SLC16A14: variants seen among roughly 807,000 people sequenced by gnomAD.
The protein encoded by SLC16A14 is solute carrier family 16 member 14.
Under a neutral mutation model 35.8 loss-of-function variants are expected in SLC16A14, and 14 were observed. The ratio of observed to expected loss-of-function variants is 0.39; its 90% CI spans 0.26 to 0.61. The LOEUF (loss-of-function observed/expected upper bound fraction) is 0.61, where lower values mean the gene tolerates loss of function less well. SLC16A14 is among the 20% of genes least tolerant of loss of function. The pLI is 0.51. For missense variants in SLC16A14, 533 were observed against 655.0 expected (o/e 0.81, Z 2.03); for synonymous variants, 248 against 258.9 (o/e 0.96, Z 0.40).
chr2:230,037,771 G>T (rs991874714), intron 4 of SLC16A14, among the ~76,000 whole-genome samples: 1 of 151,650 alleles, frequency 6.6e-6, no homozygotes, highest in Admixed American at 6.6e-5. Flanking sequence ...CCGTGCCTAC[G>T]GAGGACTGCA....
chr2:230,059,152 C>G lies in SLC16A14; in HGVS notation c.201G>C (p.Gln67His), dbSNP rs1211004886. 3 of 1,614,182 alleles carry G rather than the reference C, an allele frequency of 1.9e-6. No homozygotes were observed. Among genetic ancestry groups the G allele is most frequent in the Non-Finnish European group, 1.7e-6 (2 of 1,180,032 alleles). The part of the protein sequence containing the change: ...LNVEWLEEFH[Q>H]SRGLTAWVSS... ...TGACCCAGGCGGTCAGGCCGCGGCT[C>G]TGGTGGAATTCTTCCAGCCATTCCA... Residue 67 changes from glutamine to histidine, a missense_variant, in exon 2 of 5, where the codon CAG becomes CAC. By Grantham distance (24) the Gln-to-His change is conservative. Transcript: ENST00000295190.
intron 1 of SLC16A14, chr2:230,066,792 A>G (rs1205864725): frequency 3.2e-6 from 1 of 313,878 alleles, no homozygotes; most frequent in Non-Finnish European, 6.2e-6. Flanking sequence ...GTGCCACTGC[A>G]TCTTTAGTAT....
At chr2:230,063,086 G>A (rs2077763655) in intron 1 of SLC16A14, among the ~76,000 whole-genome samples, 1 of 151,928 alleles carries the variant, frequency 6.6e-6, no homozygotes, top group Admixed American at 6.6e-5. Context: ...TCAGGAGCTC[G>A]AGACCAGCCT....
intron 2 of SLC16A14, among the ~76,000 whole-genome samples, chr2:230,058,073 G>T (rs2077720450): frequency 6.6e-6 from 1 of 151,680 alleles, no homozygotes; most frequent in Admixed American, 6.6e-5. Context: ...GATTGTTACT[G>T]GACTTTTATA....
intron 1 of SLC16A14, among the ~76,000 whole-genome samples, chr2:230,063,916 C>G (rs980173044): frequency 1.3e-5 from 2 of 151,976 alleles, no homozygotes; most frequent in African/African-American, 4.8e-5. Context: ...GCCTGGACAA[C>G]AGTGAGACCT....
At chr2:230,050,112 A>C (rs1039433779) in intron 2 of SLC16A14, among the ~76,000 whole-genome samples, 4 of 152,248 alleles carry the variant, frequency 2.6e-5, no homozygotes, top group Non-Finnish European at 5.9e-5. Flanking sequence ...CTGGATTTTC[A>C]GGAAAGGCAG....
chr2:230,063,435 C>T (rs775178363), intron 1 of SLC16A14, among the ~76,000 whole-genome samples: 2 of 152,004 alleles, frequency 1.3e-5, no homozygotes, highest in African/African-American at 2.4e-5. Context: ...CTCACCTCTT[C>T]TGTTGATCCT....
Position 230,046,844 on chromosome 2 carries a change from C to A in SLC16A14, c.404-122G>T, listed in dbSNP as rs1052437746. 1.0e-5 allele frequency: 12 copies of A among 1,173,242 alleles called. No homozygotes were observed. Among genetic ancestry groups the A allele is most frequent in the Admixed American group, 2.9e-5 (1 of 34,650 alleles). The allele number at this position is 1,173,242 out of a possible 1,614,324, so 72.7% of individuals were successfully genotyped here. ...ATCTATTTATGCTTTTTATTTCTAA[C>A]AAAGCAATAACACTGATTATTTAAA... On this transcript the variant is annotated intron_variant, in intron 3 of 4. Coordinates refer to ENST00000295190, the MANE Select transcript of SLC16A14 (RefSeq NM_152527.5). The surrounding 1 kb of genome is among the most constrained non-coding windows in gnomAD (Gnocchi z 5.0).
At chr2:230,051,842 A>G (rs2077662033) in intron 2 of SLC16A14, among the ~76,000 whole-genome samples, 1 of 152,178 alleles carries the variant, frequency 6.6e-6, no homozygotes, top group African/African-American at 2.4e-5. Context: ...AAAAACTATG[A>G]AGGTGAAGAC....
In SLC16A14 at chr2:230,046,317, T is replaced by A. The variant is rs1178795421; in HGVS notation, c.809A>T (p.Gln270Leu). ...CDLQAQECPD[Q>L]AGHRKNMCAL... ...ACACATGTTCTTCCTGTGCCCGGCC[T>A]GATCGGGGCACTCCTGGGCTTGCAG... Residue 270 changes from glutamine (Q) to leucine (L), a missense_variant, in exon 4 of 5, where the codon CAG (glutamine) becomes CTG (leucine). Transcript: ENST00000295190. This position sits in a 1 kb window ranked among gnomAD's most constrained non-coding sequence, Gnocchi z 5.0. The A allele has an allele frequency of 1.9e-6, 3 of 1,614,026 alleles. No homozygotes were observed. Among genetic ancestry groups the A allele is most frequent in the Non-Finnish European group, 2.5e-6 (3 of 1,179,996 alleles).
chr2:230,037,646 T>C (rs572882867), intron 4 of SLC16A14, 115 bp from the exon 5 acceptor site: 2 of 793,730 alleles, frequency 2.5e-6, no homozygotes, highest in African/African-American at 1.8e-5. Context: ...TTATATGTCA[T>C]TTCATACCAA....
At chr2:230,057,636 G>A (rs867156158) in intron 2 of SLC16A14, among the ~76,000 whole-genome samples, 1 of 151,978 alleles carries the variant, frequency 6.6e-6, no homozygotes, top group African/African-American at 2.4e-5. Flanking sequence ...AGAATATATT[G>A]TTATTCCTTT....
chr2:230,054,133 G>A (rs57993969), intron 2 of SLC16A14, among the ~76,000 whole-genome samples: 1 of 151,662 alleles, frequency 6.6e-6, no homozygotes, highest in African/African-American at 2.4e-5. Flanking sequence ...GTGCAATCAA[G>A]ATTGACAATC....
intron 4 of SLC16A14, chr2:230,045,536 G>A: frequency 1.7e-6 from 1 of 582,056 alleles, no homozygotes; most frequent in South Asian, 2.2e-5. Flanking sequence ...CTCCAGCTGG[G>A]GCGATAGAGC....
intron 2 of SLC16A14, 92 bp downstream of exon 2, chr2:230,059,002 T>C: frequency 6.7e-7 from 1 of 1,496,788 alleles, no homozygotes; most frequent in South Asian, 1.4e-5. Flanking sequence ...ACATCCAATA[T>C]CGAATGTTAC....
Position 230,045,786 on chromosome 2 carries a change from C to A in SLC16A14, c.1340G>T (p.Cys447Phe). Residue 447 changes from cysteine to phenylalanine, a missense_variant, in exon 4 of 5, where the codon TGT becomes TTT. Transcript: ENST00000295190. ...CAGCAATGCAGAGATGCCATTAGCA[C>A]AGATGATGATGCCGTAGGCATTGGC... The part of the protein sequence containing the change: ...HLANAYGIII[C>F]ANGISALLGP... The A allele has an allele frequency of 6.2e-7, 1 of 1,614,226 alleles. No individual in the cohort carries two copies. The highest frequency in any genetic ancestry group is 8.5e-7 in the Non-Finnish European group (1 of 1,180,044).
Position 230,035,356 on chromosome 2 carries a change from A to C in SLC16A14, c.*2024T>G, listed in dbSNP as rs2077512532. 6.5e-6 allele frequency: 1 copy of C among 152,688 alleles called. No homozygotes were observed. The highest frequency in any genetic ancestry group is 1.5e-5 in the Non-Finnish European group (1 of 68,046). 9.5% of individuals were successfully genotyped at this position (152,688 alleles called of 1,614,324 possible). A position where few individuals can be genotyped will look rare whatever the true frequency, so the allele number is the denominator to read the frequency against. ...TAAAAAGTTCATATTGATGATACACAACCAGCAGTGCAAGCATTCAAATAC... is the reference window on the plus strand; with the variant it reads ...TAAAAAGTTCATATTGATGATACACCACCAGCAGTGCAAGCATTCAAATAC... On this transcript the variant is annotated 3_prime_UTR_variant, in exon 5 of 5. Transcript: ENST00000295190.
At chr2:230,065,113 T>C (rs889949457) in intron 1 of SLC16A14, among the ~76,000 whole-genome samples, 5 of 152,248 alleles carry the variant, frequency 3.3e-5, no homozygotes, top group African/African-American at 1.2e-4. Flanking sequence ...ATATTCTTAC[T>C]GAATTATTTA....
In SLC16A14 at chr2:230,046,667, G is replaced by T; in HGVS notation, c.459C>A (p.Phe153Leu). The T allele has an allele frequency of 6.2e-7, 1 of 1,603,518 alleles. No homozygotes were observed. The highest frequency in any genetic ancestry group is 8.5e-7 in the Non-Finnish European group (1 of 1,179,966). Reference sequence around the variant, plus strand: ...CCTGGGCGAGGGCGCGTCTCTTCTGGAAATACCTGCCCACCATGACCACCG... The same window carrying T: ...CCTGGGCGAGGGCGCGTCTCTTCTGTAAATACCTGCCCACCATGACCACCG... The part of the protein sequence containing the change: ...LPAVVMVGRY[F>L]QKRRALAQGL... Residue 153 changes from phenylalanine (F) to leucine (L), a missense_variant, in exon 4 of 5, where the codon TTC (phenylalanine) becomes TTA (leucine). Phe to Leu is a conservative substitution (Grantham distance 22). Transcript: ENST00000295190. The surrounding 1 kb of genome is among the most constrained non-coding windows in gnomAD (Gnocchi z 5.0).
Sources: gnomAD v4.1 joint callset for allele counts (sites outside exome capture counted in the v4.1 genomes callset) on GRCh38, gnomAD v4.1.1 for gene constraint, Gnocchi (gnomAD v3.1) non-coding constraint, MANE v1.5 for transcripts, NCBI Gene and HGNC (gene_info 2026-07-23, HGNC 2026-07-21) for gene names.